The following PRIM2 variants were observed in gnomAD, a reference collection of about 807,000 sequenced individuals.
PRIM2 encodes the protein DNA primase large subunit.
A neutral mutation model predicts 67.3 loss-of-function variants in PRIM2; 39 were observed. The observed-to-expected ratio is 0.58, with a 90% CI of 0.45 to 0.76. The LOEUF (loss-of-function observed/expected upper bound fraction) is 0.76, where lower values mean the gene tolerates loss of function less well. Ranked by LOEUF, PRIM2 falls within the 30% of genes least tolerant of loss-of-function variation. The probability of loss-of-function intolerance (pLI) is 0.00; values close to 1 mark genes in which losing one functional copy is unlikely to be tolerated. For synonymous variants in PRIM2, 143 were observed against 198.7 expected, an observed-to-expected ratio of 0.72 and a Z score of 2.36; for missense variants, 398 against 598.7, an observed-to-expected ratio of 0.66 and a Z score of 3.50.
the PRIM2 span, among the ~76,000 whole-genome samples, chr6:57,285,147 GA>G: frequency 6.6e-6 from 1 of 151,912 alleles, no homozygotes; most frequent in Non-Finnish European, 1.5e-5. Context: ...TACCAATGAA[GA>G]AAAAAGTCCA....
the PRIM2 span, among the ~76,000 whole-genome samples, chr6:57,295,671 C>G: frequency 6.6e-6 from 1 of 152,252 alleles, no homozygotes; most frequent in African/African-American, 2.4e-5. Flanking sequence ...TGTTTTACTC[C>G]TTGTTTTAAA....
At chr6:57,619,494 C>T (rs1776813745) in intron 12 of PRIM2, among the ~76,000 whole-genome samples, 1 of 151,982 alleles carries the variant, frequency 6.6e-6, no homozygotes, top group African/African-American at 2.4e-5. Flanking sequence ...AAGGCAAAGC[C>T]CAATGCAAGG....
chr6:57,274,180 A>G, the PRIM2 span, among the ~76,000 whole-genome samples: 1 of 152,240 alleles, frequency 6.6e-6, no homozygotes, highest in African/African-American at 2.4e-5. Context: ...TTATGTCTGC[A>G]GAGGTTACTG....
At chr6:57,349,018 T>A (rs1768772487) in intron 5 of PRIM2, among the ~76,000 whole-genome samples, 1 of 152,156 alleles carries the variant, frequency 6.6e-6, no homozygotes, top group African/African-American at 2.4e-5. Flanking sequence ...GTGCTGGGAT[T>A]ACAGACGTGA....
At chr6:57,519,619 G>A (rs1382536465) in intron 8 of PRIM2, among the ~76,000 whole-genome samples, 2 of 152,150 alleles carry the variant, frequency 1.3e-5, no homozygotes, top group African/African-American at 4.8e-5. Context: ...AAGGTGCCCA[G>A]ATTTCATATT....
chr6:57,545,263 C>G (rs1455186737), intron 10 of PRIM2, among the ~76,000 whole-genome samples: 1,631 of 151,242 alleles, frequency 0.011, 16 homozygotes, highest in Non-Finnish European at 0.015. Flanking sequence ...AAATATATTT[C>G]TGTGTATATG....
chr6:57,280,518 G>GT, the PRIM2 span, among the ~76,000 whole-genome samples: 24 of 150,430 alleles, frequency 1.6e-4, no homozygotes, highest in East Asian at 7.8e-4. Context: ...TTTCTTTCTT[G>GT]TTTTTTTTTG....
chr6:57,605,400 G>A (rs1776542372), intron 11 of PRIM2, among the ~76,000 whole-genome samples: 2 of 152,100 alleles, frequency 1.3e-5, no homozygotes, highest in Non-Finnish European at 2.9e-5. Flanking sequence ...AATCTACCTG[G>A]TCCAGGGCTT....
At chr6:57,606,896 T>C (rs1298239917) in intron 12 of PRIM2, among the ~76,000 whole-genome samples, 1 of 152,188 alleles carries the variant, frequency 6.6e-6, no homozygotes, top group African/African-American at 2.4e-5. Flanking sequence ...CATCAGTTAT[T>C]GCTGTGTTTA....
intron 12 of PRIM2, among the ~76,000 whole-genome samples, chr6:57,623,692 C>A (rs1256622183): frequency 0.034 from 5,213 of 152,078 alleles, 298 homozygotes; most frequent in African/African-American, 0.12. Flanking sequence ...GCACCGGCTT[C>A]TTTTGAAGAA....
At chr6:57,577,217 C>T (rs1442909820) in intron 10 of PRIM2, among the ~76,000 whole-genome samples, 1 of 152,120 alleles carries the variant, frequency 6.6e-6, no homozygotes, top group African/African-American at 2.4e-5. Flanking sequence ...ATCCTCATAA[C>T]ATGGTAGAAG....
chr6:57,285,781 A>G, the PRIM2 span, among the ~76,000 whole-genome samples: 13 of 152,218 alleles, frequency 8.5e-5, no homozygotes. Context: ...AAGAGAAAGA[A>G]ATAAAGGTAT....
chr6:57,417,084 A>G (rs1417611042), intron 7 of PRIM2, among the ~76,000 whole-genome samples: 1 of 151,656 alleles, frequency 6.6e-6, no homozygotes. Context: ...CTCCTGCCTC[A>G]GCCTCCCGAG....
chr6:57,581,861 A>G (rs1776088964), intron 10 of PRIM2, among the ~76,000 whole-genome samples: 1 of 152,126 alleles, frequency 6.6e-6, no homozygotes. Flanking sequence ...AGCAGCTGCA[A>G]TTTGCTAGGT....
the PRIM2 span, among the ~76,000 whole-genome samples, chr6:57,278,691 A>T: frequency 6.6e-6 from 1 of 152,114 alleles, no homozygotes; most frequent in African/African-American, 2.4e-5. Context: ...ATGTTTTCCA[A>T]GGCATGAAGA....
At chr6:57,466,803 C>A (rs1773207279) in intron 7 of PRIM2, among the ~76,000 whole-genome samples, 2 of 152,136 alleles carry the variant, frequency 1.3e-5, no homozygotes, top group African/African-American at 4.8e-5. Context: ...TTTTGCTGTG[C>A]AGAAGCTCTT....
intron 7 of PRIM2, among the ~76,000 whole-genome samples, chr6:57,392,254 C>T (rs1410682964): frequency 6.6e-6 from 1 of 152,074 alleles, no homozygotes; most frequent in East Asian, 1.9e-4. Context: ...TCTTTATCAG[C>T]TGAAGGAGCT....
intron 10 of PRIM2, among the ~76,000 whole-genome samples, chr6:57,583,680 G>A (rs1776139585): frequency 6.6e-6 from 1 of 152,018 alleles, no homozygotes; most frequent in South Asian, 2.1e-4. Flanking sequence ...TAGTCCTTGG[G>A]GTATATACCC....
intron 5 of PRIM2, among the ~76,000 whole-genome samples, chr6:57,373,247 C>T (rs201402260): frequency 2.0e-5 from 3 of 151,228 alleles, no homozygotes; most frequent in East Asian, 3.9e-4. Context: ...GTTTGTTGGC[C>T]GCATGTATGT....
Sources: gnomAD v4.1 joint callset for allele counts (sites outside exome capture counted in the v4.1 genomes callset) on GRCh38, gnomAD v4.1.1 for gene constraint, MANE v1.5 for transcripts, NCBI Gene and HGNC (gene_info 2026-07-23, HGNC 2026-07-21) for gene names.